The following RBBP8 variants were observed in gnomAD, a reference collection of about 807,000 sequenced individuals.
The protein encoded by RBBP8 is DNA endonuclease RBBP8.
A neutral mutation model predicts 108.3 loss-of-function variants in RBBP8; 88 were observed. That is an observed-to-expected ratio of 0.81 (90% CI 0.68 to 0.97). The LOEUF is 0.97. Ranked by LOEUF, RBBP8 falls within the 50% of genes least tolerant of loss-of-function variation. The pLI is 0.00. For synonymous variants in RBBP8, 332 were observed against 348.2 expected (o/e 0.95, Z 0.52); for missense variants, 1,023 against 1,049.0 (o/e 0.98, Z 0.34).
chr18:23,022,139 A>T lies in RBBP8; in HGVS notation c.2465A>T (p.Asp822Val), dbSNP rs1254417814. The part of the protein sequence containing the change: ...TCKECEIYYA[D>V]MPAEEREKKL... ...AGTTTTTATTATTAGTATTATGCAG[A>T]TATGCCAGCAGAAGAAAGAGAAAAG... The change falls in exon 18 of 19, where the codon GAT becomes GTT. Residue 822 changes from aspartate (D) to valine (V), a missense_variant. Coordinates refer to ENST00000327155, the MANE Select transcript of RBBP8 (RefSeq NM_002894.3). The T allele has an allele frequency of 6.2e-7, 1 of 1,600,698 alleles. No homozygotes were observed. The highest frequency in any genetic ancestry group is 1.7e-5 in the Admixed American group (1 of 60,000).
At chr18:22,971,061 G>C (rs575867632) in intron 5 of RBBP8, among the ~76,000 whole-genome samples, 2 of 152,026 alleles carry the variant, frequency 1.3e-5, no homozygotes, top group South Asian at 4.2e-4. Context: ...AAAGATGGCA[G>C]GTACTTTTTC....
intron 2 of RBBP8, among the ~76,000 whole-genome samples, chr18:22,940,135 C>T (rs1910947531): frequency 6.6e-6 from 1 of 151,916 alleles, no homozygotes; most frequent in Non-Finnish European, 1.5e-5. Context: ...AAGAGATTGT[C>T]ATCTTGCCTT....
rs193204257 is a variant in RBBP8, at chr18:22,996,522, A to C, written c.2028+60A>C. The C allele has an allele frequency of 1.8e-5, 29 of 1,590,878 alleles. No individual in the cohort carries two copies. In the African/African-American group the frequency reaches 3.8e-4, roughly 21 times the overall value. ...TTTTATTCCAATGAGTTGTTAGTCAACCTCCTCTCGTGACTCACTGTATCA... is the reference window on the plus strand; with the variant it reads ...TTTTATTCCAATGAGTTGTTAGTCACCCTCCTCTCGTGACTCACTGTATCA... On this transcript the variant is annotated intron_variant, in intron 13 of 18. Coordinates refer to ENST00000327155, the MANE Select transcript of RBBP8 (RefSeq NM_002894.3).
chr18:23,004,330 C>T (rs1223997239), intron 15 of RBBP8, among the ~76,000 whole-genome samples: 2 of 151,904 alleles, frequency 1.3e-5, no homozygotes, highest in South Asian at 4.2e-4. Flanking sequence ...TACTATTTAA[C>T]CACTAAAAAG....
At chr18:22,920,835 T>C (rs1478475021) in intron 3 of RBBP8, 3 of 152,166 alleles carry the variant, frequency 2.0e-5, no homozygotes, top group African/African-American at 7.2e-5. Flanking sequence ...CTCTGGTTGG[T>C]AGATCCTAGG....
chr18:22,947,225 CA>C lies in RBBP8; in HGVS notation c.152+747del, dbSNP rs528973470. Among the ~76,000 whole-genome samples, 131 of 151,820 alleles carry C rather than the reference CA, an allele frequency of 8.6e-4. No individual in the cohort carries two copies. The Middle Eastern group carries it at 0.017, about 20-fold the overall frequency. On this transcript the variant is annotated intron_variant, in intron 3 of 18. Transcript: ENST00000327155. ...TAAGAAATTTAAAGAATTGTAAAGA[CA>C]AAAAAAATTTTCCAGTTGTGCAGCA...
intron 3 of RBBP8, among the ~76,000 whole-genome samples, chr18:22,922,412 A>C (rs1257409505): frequency 6.6e-6 from 1 of 152,190 alleles, no homozygotes; most frequent in Non-Finnish European, 1.5e-5. Flanking sequence ...AATACAAAAA[A>C]GTGGAGACAC....
chr18:22,999,105 A>G (rs1003209044), intron 14 of RBBP8, among the ~76,000 whole-genome samples: 13 of 152,232 alleles, frequency 8.5e-5, no homozygotes, highest in Admixed American at 8.5e-4. Context: ...TATCATGTGA[A>G]AGAGAAATTA....
In RBBP8 at chr18:22,993,545, C is replaced by G. The variant is rs1915855052; in HGVS notation, c.1718C>G (p.Pro573Arg). 2 of 1,613,430 alleles carry G rather than the reference C, an allele frequency of 1.2e-6. No homozygotes were observed. The highest frequency in any genetic ancestry group is 4.5e-5 in the East Asian group (2 of 44,890). Residue 573 changes from proline (P) to arginine (R), a missense_variant, in exon 11 of 19, where the codon CCA becomes CGA. Physicochemically the swap from Pro to Arg is moderately radical, Grantham distance 103. Transcript: ENST00000327155. ...AATAAATGCTCTCCAGACAATAAACCATCATTACAAATAAAAGAAGAAAAT... is the reference window on the plus strand; with the variant it reads ...AATAAATGCTCTCCAGACAATAAACGATCATTACAAATAAAAGAAGAAAAT... ...PLNKCSPDNK[P>R]SLQIKEENAV...
intron 2 of RBBP8, among the ~76,000 whole-genome samples, chr18:22,944,806 C>T (rs978583352): frequency 1.3e-5 from 2 of 152,056 alleles, no homozygotes; most frequent in African/African-American, 4.8e-5. Context: ...TATGGATTTC[C>T]TGGCAATAAA....
At chr18:22,983,228 A>G (rs1392817204) in intron 7 of RBBP8, among the ~76,000 whole-genome samples, 1 of 152,218 alleles carries the variant, frequency 6.6e-6, no homozygotes, top group Non-Finnish European at 1.5e-5. Context: ...TTTTAACCTA[A>G]ACTATTTGCA....
chr18:22,940,241 A>T (rs1051820276), intron 2 of RBBP8, among the ~76,000 whole-genome samples: 1 of 151,776 alleles, frequency 6.6e-6, no homozygotes, highest in Admixed American at 6.6e-5. Context: ...AGATTGCTTT[A>T]TATAGTATTG....
intron 12 of RBBP8, 57 bp from the exon 13 acceptor site, chr18:22,996,317 G>A (rs914347780): frequency 2.5e-6 from 4 of 1,601,798 alleles, no homozygotes; most frequent in Non-Finnish European, 2.6e-6. Flanking sequence ...ATATTTTAAA[G>A]TGATGAGAAT....
chr18:22,982,621 A>G (rs1232768443), intron 7 of RBBP8, among the ~76,000 whole-genome samples: 2 of 152,230 alleles, frequency 1.3e-5, no homozygotes, highest in African/African-American at 4.8e-5. Flanking sequence ...CATATTTTAT[A>G]AATGTAGTAA....
At chr18:22,924,069 T>C (rs1400473913) in intron 3 of RBBP8, among the ~76,000 whole-genome samples, 2 of 151,994 alleles carry the variant, frequency 1.3e-5, no homozygotes, top group Non-Finnish European at 2.9e-5. Context: ...AATCAAATTT[T>C]AAAGTACTTT....
intron 2 of RBBP8, among the ~76,000 whole-genome samples, chr18:22,916,123 G>A (rs969258531): frequency 6.6e-6 from 1 of 151,846 alleles, no homozygotes; most frequent in Non-Finnish European, 1.5e-5. Context: ...ATACTTCAGC[G>A]CCTAGTCAAA....
intron 5 of RBBP8, among the ~76,000 whole-genome samples, chr18:22,969,538 T>G (rs1008207850): frequency 6.6e-6 from 1 of 152,180 alleles, no homozygotes; most frequent in African/African-American, 2.4e-5. Flanking sequence ...TCCAAACTAA[T>G]TCTGTCTTTT....
intron 6 of RBBP8, among the ~76,000 whole-genome samples, chr18:22,976,147 C>T (rs905360117): frequency 1.3e-5 from 2 of 152,080 alleles, no homozygotes; most frequent in African/African-American, 4.8e-5. Context: ...ACACATCTCA[C>T]AAGTAGAATT....
At chr18:22,943,003 T>A (rs890526287) in intron 2 of RBBP8, among the ~76,000 whole-genome samples, 8 of 151,984 alleles carry the variant, frequency 5.3e-5, no homozygotes, top group Admixed American at 2.6e-4. Context: ...AATGGGAAAG[T>A]TTGGGGGCTC....
Sources: gnomAD v4.1 joint callset for allele counts (sites outside exome capture counted in the v4.1 genomes callset) on GRCh38, gnomAD v4.1.1 for gene constraint, MANE v1.5 for transcripts, NCBI Gene and HGNC (gene_info 2026-07-23, HGNC 2026-07-21) for gene names.